ME3: variants seen among roughly 807,000 people sequenced by gnomAD.
ME3 encodes the protein NADP-dependent malic enzyme, mitochondrial.
ME3 carries 48 observed loss-of-function variants against 68.9 expected under a neutral mutation model. The ratio of observed to expected loss-of-function variants is 0.70; its 90% CI spans 0.55 to 0.89. ME3 has a LOEUF of 0.89. ME3 is among the 40% of genes least tolerant of loss of function. ME3 has a pLI of 0.00. For missense variants in ME3, 675 were observed against 797.4 expected, an observed-to-expected ratio of 0.85 and a Z score of 1.85; for synonymous variants, 320 against 318.8, an observed-to-expected ratio of 1.00 and a Z score of -0.04.
intron 6 of ME3, among the ~76,000 whole-genome samples, chr11:86,491,930 A>G (rs1250308320): frequency 6.6e-6 from 1 of 152,214 alleles, no homozygotes; most frequent in East Asian, 1.9e-4. Context: ...TATTTGCTAA[A>G]TCTGGTAACC....
At chr11:86,653,410 G>A (rs1314263952) in intron 2 of ME3, among the ~76,000 whole-genome samples, 3 of 152,196 alleles carry the variant, frequency 2.0e-5, no homozygotes, top group African/African-American at 7.2e-5. Context: ...AGACCACAGT[G>A]CAATCAAACT....
chr11:86,602,015 C>G (rs1366499519), intron 2 of ME3, among the ~76,000 whole-genome samples: 2 of 148,480 alleles, frequency 1.3e-5, no homozygotes, highest in African/African-American at 5.0e-5. Context: ...TGGGCAAAAA[C>G]TGGAAGCATT....
intron 6 of ME3, among the ~76,000 whole-genome samples, chr11:86,497,224 T>A (rs1037244407): frequency 4.6e-5 from 7 of 152,162 alleles, no homozygotes; most frequent in African/African-American, 1.7e-4. Context: ...CCTCAGGTGA[T>A]CCCGCCCCGA....
chr11:86,624,355 A>C (rs1403157061), intron 2 of ME3, among the ~76,000 whole-genome samples: 1 of 152,222 alleles, frequency 6.6e-6, no homozygotes, highest in Non-Finnish European at 1.5e-5. Context: ...TAGTTTCATT[A>C]GCAGTTGCTG....
At chr11:86,456,399 G>A (rs1369478109) in intron 8 of ME3, among the ~76,000 whole-genome samples, 2 of 152,194 alleles carry the variant, frequency 1.3e-5, no homozygotes, top group African/African-American at 4.8e-5. Flanking sequence ...GAATAACTGG[G>A]CTTCCTCACA....
At chr11:86,441,426 C>T (rs747288815) in exon 15 of ME3, 28 of 1,596,198 alleles carry the variant, frequency 1.8e-5, no homozygotes, top group East Asian at 4.5e-5. Context: ...TGTGTTTGTA[C>T]GCGTAGTCGA....
intron 6 of ME3, 37 bp from the exon 7 acceptor site, chr11:86,487,477 C>T (rs113042566): frequency 3.2e-5 from 49 of 1,531,970 alleles, no homozygotes; most frequent in Middle Eastern, 1.7e-4. Flanking sequence ...AGCCTACTCC[C>T]GGTGTTCCTG....
Position 86,538,782 on chromosome 11 carries a change from C to T in ME3, c.467+17771G>A, listed in dbSNP as rs532936722. 2.6e-5 allele frequency among the ~76,000 whole-genome samples: 4 copies of T among 152,310 alleles called. No homozygotes were observed. In the South Asian group the frequency reaches 6.2e-4, roughly 24 times the overall value. ...GAGTCTACCCCACTGGAAAGTGCAT[C>T]ATGATCCCTGACCCAATCCAAACTC... is the stretch of plus-strand genomic sequence containing the variant. On this transcript the variant is annotated intron_variant, in intron 4 of 14. Transcript: ENST00000543262.
intron 2 of ME3, among the ~76,000 whole-genome samples, chr11:86,610,875 C>T (rs544903455): frequency 6.6e-6 from 1 of 152,138 alleles, no homozygotes; most frequent in Non-Finnish European, 1.5e-5. Flanking sequence ...CTGAACAAAA[C>T]AGCACCAACT....
intron 4 of ME3, among the ~76,000 whole-genome samples, chr11:86,509,983 A>G (rs1215396250): frequency 1.3e-5 from 2 of 152,298 alleles, no homozygotes; most frequent in Non-Finnish European, 2.9e-5. Flanking sequence ...TATGTAAGAA[A>G]TTTTCCATAA....
chr11:86,514,078 G>C (rs1423000270), intron 4 of ME3, among the ~76,000 whole-genome samples: 1 of 152,134 alleles, frequency 6.6e-6, no homozygotes, highest in African/African-American at 2.4e-5. Context: ...TCTTGTGATA[G>C]TGAGTGAGTT....
chr11:86,486,844 T>C (rs1951722081), intron 7 of ME3, among the ~76,000 whole-genome samples: 3 of 152,202 alleles, frequency 2.0e-5, no homozygotes, highest in Non-Finnish European at 2.9e-5. Context: ...AGTGAAGAGA[T>C]GACACCTCAT....
intron 4 of ME3, among the ~76,000 whole-genome samples, chr11:86,547,752 A>C (rs1305013540): frequency 6.6e-6 from 1 of 152,182 alleles, no homozygotes; most frequent in Non-Finnish European, 1.5e-5. Context: ...ATGGGAGATC[A>C]AGGTTATCTG....
At chr11:86,446,178 G>T in intron 13 of ME3, 136 bp downstream of exon 13, 2 of 981,822 alleles carry the variant, frequency 2.0e-6, no homozygotes, top group South Asian at 1.6e-5. Context: ...AGAGATGCTT[G>T]AGGTTTAAGC....
At chr11:86,448,234 C>T (rs1468194320) in exon 11 of ME3, 4 of 1,614,020 alleles carry the variant, frequency 2.5e-6, no homozygotes, top group Non-Finnish European at 3.4e-6. Flanking sequence ...ATCTCCTTTT[C>T]ATGGTTCAGG....
At chr11:86,665,622 TA>T (rs1231829131) in intron 2 of ME3, among the ~76,000 whole-genome samples, 2 of 151,424 alleles carry the variant, frequency 1.3e-5, no homozygotes, top group Non-Finnish European at 2.9e-5. Context: ...AACTTAGTTT[TA>T]AAAAAAAATC....
chr11:86,551,334 T>C (rs1229144988), intron 4 of ME3, among the ~76,000 whole-genome samples: 2 of 152,112 alleles, frequency 1.3e-5, no homozygotes, highest in African/African-American at 4.8e-5. Context: ...ATAAGGGGGC[T>C]GAACCACTAC....
chr11:86,617,087 A>C (rs1225015199), intron 2 of ME3, among the ~76,000 whole-genome samples: 5 of 111,966 alleles, frequency 4.5e-5, no homozygotes, highest in South Asian at 3.2e-4. Flanking sequence ...TTAAAGATGA[A>C]GAACAAGCGA....
chr11:86,498,425 T>C (rs1594189080), intron 5 of ME3, among the ~76,000 whole-genome samples: 1 of 152,042 alleles, frequency 6.6e-6, no homozygotes, highest in African/African-American at 2.4e-5. Flanking sequence ...CACTTCACTC[T>C]CCCTCAAGGA....
Sources: allele counts gnomAD v4.1 joint callset (sites outside exome capture counted in the v4.1 genomes callset), GRCh38; gene constraint gnomAD v4.1.1; transcripts MANE v1.5; gene names NCBI Gene and HGNC (gene_info 2026-07-23, HGNC 2026-07-21).